The following RNGTT variants were observed in gnomAD, a reference collection of about 807,000 sequenced individuals.
The protein encoded by RNGTT is RNA guanylyltransferase and 5'-phosphatase.
Under a neutral mutation model 79.3 loss-of-function variants are expected in RNGTT, and 33 were observed. The observed-to-expected ratio is 0.42, with a 90% CI of 0.32 to 0.56. RNGTT has a LOEUF of 0.56. RNGTT is among the 20% of genes least tolerant of loss of function. RNGTT has a pLI of 0.17. For missense variants in RNGTT, 497 were observed against 739.1 expected (o/e 0.67, Z 3.80); for synonymous variants, 222 against 235.9 (o/e 0.94, Z 0.54).
chr6:88,823,248 T>C (rs886322962), intron 11 of RNGTT, among the ~76,000 whole-genome samples: 2 of 151,896 alleles, frequency 1.3e-5, no homozygotes, highest in South Asian at 4.2e-4. Flanking sequence ...CTGAACAACA[T>C]GGTGAAACCC....
At chr6:88,840,174 G>C (rs891532232) in intron 11 of RNGTT, among the ~76,000 whole-genome samples, 1 of 152,100 alleles carries the variant, frequency 6.6e-6, no homozygotes, top group African/African-American at 2.4e-5. Context: ...CATTAGCAAA[G>C]ATAAAAATCT....
At chr6:88,680,043 G>A (rs1443138954) in intron 13 of RNGTT, among the ~76,000 whole-genome samples, 1 of 152,098 alleles carries the variant, frequency 6.6e-6, no homozygotes, top group Admixed American at 6.5e-5. Flanking sequence ...ATCTGAGAAT[G>A]GAACACTGTG....
chr6:88,774,399 A>G (rs1002975799), intron 12 of RNGTT, among the ~76,000 whole-genome samples: 7 of 152,196 alleles, frequency 4.6e-5, no homozygotes, highest in African/African-American at 1.7e-4. Flanking sequence ...CAGCCACTAT[A>G]GATAAAAGGT....
chr6:88,698,152 A>G lies in RNGTT; in HGVS notation c.1440-19733T>C, dbSNP rs189612632. Among the ~76,000 whole-genome samples the G allele has an allele frequency of 2.2e-4, 19 of 87,258 alleles. No homozygotes were observed. In the East Asian group the frequency reaches 4.0e-3, roughly 19 times the overall value. The allele number at this position is 87,258 out of a possible 152,430, so 57.2% of individuals were successfully genotyped here. On this transcript the variant is annotated intron_variant, in intron 13 of 15. Transcript: ENST00000369485. ...CATATATATGATATATATATGAAAT[A>G]CATATGATATATATGACATATATAT...
At chr6:88,804,747 G>A (rs953572977) in intron 11 of RNGTT, among the ~76,000 whole-genome samples, 14 of 149,044 alleles carry the variant, frequency 9.4e-5, no homozygotes, top group Admixed American at 6.0e-4. Flanking sequence ...AACTTGTTAC[G>A]GCCATCTTCC....
At chr6:88,817,817 T>C (rs1271262822) in intron 11 of RNGTT, among the ~76,000 whole-genome samples, 1 of 138,032 alleles carries the variant, frequency 7.2e-6, no homozygotes, top group African/African-American at 2.7e-5. Flanking sequence ...TGGAGTGCAG[T>C]GGCGCCATCT....
At chr6:88,731,591 T>C (rs1237999701) in intron 13 of RNGTT, among the ~76,000 whole-genome samples, 7 of 151,858 alleles carry the variant, frequency 4.6e-5, no homozygotes, top group Admixed American at 4.6e-4. Context: ...TATACAACAA[T>C]AAAAAATAAA....
intron 13 of RNGTT, among the ~76,000 whole-genome samples, chr6:88,730,440 C>A (rs957846657): frequency 1.1e-4 from 17 of 152,222 alleles, no homozygotes; most frequent in South Asian, 2.1e-4. Context: ...TCTTCCCATC[C>A]CTTGTCCAAC....
At chr6:88,680,578 C>A (rs1022704075) in intron 13 of RNGTT, among the ~76,000 whole-genome samples, 4 of 151,566 alleles carry the variant, frequency 2.6e-5, no homozygotes, top group Non-Finnish European at 5.9e-5. Context: ...CCCGTCTCTA[C>A]TAAAAATACA....
chr6:88,876,349 G>T (rs1782517467), intron 8 of RNGTT, among the ~76,000 whole-genome samples: 1 of 151,998 alleles, frequency 6.6e-6, no homozygotes, highest in African/African-American at 2.4e-5. Flanking sequence ...GACAACACGG[G>T]GAAACCCTAT....
At chr6:88,865,086 T>C (rs1782125494) in intron 8 of RNGTT, among the ~76,000 whole-genome samples, 1 of 152,104 alleles carries the variant, frequency 6.6e-6, no homozygotes, top group South Asian at 2.1e-4. Context: ...GTAAATTTTA[T>C]GTTATGTGTA....
At chr6:88,642,899 G>C (rs1764826932) in intron 14 of RNGTT, among the ~76,000 whole-genome samples, 1 of 152,126 alleles carries the variant, frequency 6.6e-6, no homozygotes, top group Non-Finnish European at 1.5e-5. Flanking sequence ...GTTTATGCCA[G>C]AGCTAAGTTT....
intron 14 of RNGTT, among the ~76,000 whole-genome samples, chr6:88,646,850 G>T (rs1323509218): frequency 1.3e-5 from 2 of 151,900 alleles, no homozygotes; most frequent in Admixed American, 1.3e-4. Flanking sequence ...TTGTGGGGTG[G>T]GGGGAGTGGG....
At chr6:88,748,575 T>A (rs1221325136) in intron 13 of RNGTT, among the ~76,000 whole-genome samples, 3 of 152,140 alleles carry the variant, frequency 2.0e-5, no homozygotes, top group Non-Finnish European at 4.4e-5. Context: ...TGATTTAGCT[T>A]TCAACATATT....
At chr6:88,776,262 T>C (rs1778875476) in intron 12 of RNGTT, among the ~76,000 whole-genome samples, 2 of 152,120 alleles carry the variant, frequency 1.3e-5, no homozygotes, top group South Asian at 4.1e-4. Flanking sequence ...TCAATGACGT[T>C]TTAATTTTCA....
chr6:88,888,481 T>C (rs1782939105), intron 8 of RNGTT, among the ~76,000 whole-genome samples: 4 of 152,170 alleles, frequency 2.6e-5, no homozygotes, highest in Admixed American at 2.0e-4. Flanking sequence ...CAAAAACACA[T>C]ATCCACAGGG....
intron 13 of RNGTT, among the ~76,000 whole-genome samples, chr6:88,753,078 C>T (rs964331007): frequency 1.3e-5 from 2 of 151,872 alleles, no homozygotes; most frequent in African/African-American, 2.4e-5. Flanking sequence ...GTGAAAGCTG[C>T]TGTAATGTTA....
At chr6:88,846,505 TG>T (rs1223997335) in intron 10 of RNGTT, among the ~76,000 whole-genome samples, 1 of 152,198 alleles carries the variant, frequency 6.6e-6, no homozygotes, top group Admixed American at 6.6e-5. Context: ...CCCAGCACTT[TG>T]GAAGGCTAAA....
intron 14 of RNGTT, among the ~76,000 whole-genome samples, chr6:88,648,587 C>T (rs923698892): frequency 3.6e-4 from 54 of 152,098 alleles, no homozygotes; most frequent in African/African-American, 2.4e-5. Context: ...GTACCCCAGG[C>T]GAACAAAGCT....
Sources: gnomAD v4.1 joint callset for allele counts (sites outside exome capture counted in the v4.1 genomes callset) on GRCh38, gnomAD v4.1.1 for gene constraint, MANE v1.5 for transcripts, NCBI Gene and HGNC (gene_info 2026-07-23, HGNC 2026-07-21) for gene names.